Variants in PLEKHG5 observed in about 807,000 individuals in gnomAD.
The protein encoded by PLEKHG5 is pleckstrin homology and RhoGEF domain containing G5.
PLEKHG5 carries 52 observed loss-of-function variants against 103.8 expected under a neutral mutation model. The ratio of observed to expected loss-of-function variants is 0.50; its 90% CI spans 0.40 to 0.63. The LOEUF (loss-of-function observed/expected upper bound fraction) is 0.63. Among genes scored for constraint, PLEKHG5 ranks in the 30% least tolerant of loss-of-function variants. The pLI is 0.00. For missense variants in PLEKHG5, 1,205 were observed against 1,347.6 expected (o/e 0.89, Z 1.66); for synonymous variants, 592 against 575.5 (o/e 1.03, Z -0.41).
At chr1:6,496,748 C>G, upstream of PLEKHG5, 1 of 560,224 alleles carries the variant, frequency 1.8e-6, no homozygotes. Context: ...TTGCAGAGCC[C>G]TTTTCTCCTG....
At chr1:6,491,913 CTCTT>C (rs1377734771), upstream of PLEKHG5, among the ~76,000 whole-genome samples, 3 of 152,240 alleles carry the variant, frequency 2.0e-5, no homozygotes, top group African/African-American at 4.8e-5. This position sits in a 1 kb window ranked among gnomAD's most constrained non-coding sequence, Gnocchi z 4.1. Flanking sequence ...CTGCTGGAAA[CTCTT>C]TCCTGTAGTG....
At chr1:6,497,368 C>A (rs1384844765), upstream of PLEKHG5, 2 of 1,071,454 alleles carry the variant, frequency 1.9e-6, no homozygotes, top group Non-Finnish European at 2.3e-6. This position sits in a 1 kb window ranked among gnomAD's most constrained non-coding sequence, Gnocchi z 6.1. Flanking sequence ...CGGGCGGGGG[C>A]GCCGGGGACG....
rs1288870331 is a variant in PLEKHG5 at position 6,516,866 on chromosome 1, G to GTGTGTGTA, written c.-165+2578_-165+2579insTACACACA. ...TATATATATGTGTGTGTATATATGT[G>GTGTGTGTA]TATATATATATATATATATACACAT... On this transcript the variant is annotated intron_variant, in intron 1 of 21. Coordinates refer to the PLEKHG5 transcript ENST00000377740. 9.0e-3 allele frequency among the ~76,000 whole-genome samples: 232 copies of GTGTGTGTA among 25,856 alleles called. 5 individuals carry two copies. The Middle Eastern group carries it at 0.12, about 14-fold the overall frequency. The allele number at this position is 25,856 out of a possible 152,430, so 17.0% of individuals were successfully genotyped here. A position where few individuals can be genotyped will look rare whatever the true frequency, so the allele number is the denominator to read the frequency against.
chr1:6,515,344 G>A (rs985990514), intron 1 of PLEKHG5, among the ~76,000 whole-genome samples: 10 of 151,996 alleles, frequency 6.6e-5, no homozygotes, highest in East Asian at 1.9e-4. Flanking sequence ...TGGCTAACAC[G>A]GTGAAACCCC....
chr1:6,519,397 T>C lies in PLEKHG5; in HGVS notation c.-165+48A>G, dbSNP rs758307011. 4.9e-6 allele frequency: 7 copies of C among 1,423,304 alleles called. No homozygotes were observed. In the African/African-American group the frequency reaches 9.8e-5, roughly 20 times the overall value. 88.2% of individuals were successfully genotyped at this position (1,423,304 alleles called of 1,614,324 possible). A position where few individuals can be genotyped will look rare whatever the true frequency, so the allele number is the denominator to read the frequency against. On this transcript the variant is annotated intron_variant, in intron 1 of 21. Transcript: ENST00000377740. Reference sequence around the variant, plus strand: ...CTGCAAAGCCCCTCCTTTCACTCTGTGTCCTCAAACCTCCTTTCTAGACAA... The same window carrying C: ...CTGCAAAGCCCCTCCTTTCACTCTGCGTCCTCAAACCTCCTTTCTAGACAA...
chr1:6,473,964 G>C lies in PLEKHG5; in HGVS notation c.591+49C>G, dbSNP rs112079345. The C allele has an allele frequency of 1.5e-5, 23 of 1,502,778 alleles. No individual in the cohort carries two copies. The African/African-American group carries it at 1.7e-4, about 11-fold the overall frequency. 93.1% of individuals were successfully genotyped at this position (1,502,778 alleles called of 1,614,324 possible). A position where few individuals can be genotyped will look rare whatever the true frequency, so the allele number is the denominator to read the frequency against. ...CCTCTGAGGAGGGGCTGTGGGCCCAGCCTGGGCCCCTTCCCACCCCCTCCC... is the reference window on the plus strand; with the variant it reads ...CCTCTGAGGAGGGGCTGTGGGCCCACCCTGGGCCCCTTCCCACCCCCTCCC... On this transcript the variant is annotated intron_variant, in intron 7 of 20. Transcript: ENST00000377728.
chr1:6,491,251 G>A lies in PLEKHG5; in HGVS notation c.-88+386C>T, dbSNP rs1346138394. Among the ~76,000 whole-genome samples the A allele has an allele frequency of 6.6e-6, 1 of 152,118 alleles. No individual in the cohort carries two copies. Among genetic ancestry groups the A allele is most frequent in the African/African-American group, 2.4e-5 (1 of 41,418 alleles). ...TACAGGGGGCCCACTCGAGGAGGTG[G>A]AGTTCAGGTCCACCAACCTGTTCCG... is the stretch of plus-strand genomic sequence containing the variant. On this transcript the variant is annotated intron_variant, in intron 1 of 20. Coordinates refer to ENST00000377728, the MANE Select transcript of PLEKHG5 (RefSeq NM_020631.6). This position sits in a 1 kb window ranked among gnomAD's most constrained non-coding sequence, Gnocchi z 4.1.
At chr1:6,496,870 A>G, upstream of PLEKHG5, 1 of 975,958 alleles carries the variant, frequency 1.0e-6, no homozygotes, top group Non-Finnish European at 1.4e-6. Flanking sequence ...GCGCTCAGTG[A>G]CCTTTTGGGG....
chr1:6,499,744 C>T (rs59083200), upstream of PLEKHG5, among the ~76,000 whole-genome samples: 15,124 of 152,130 alleles, frequency 0.099, 1,169 homozygotes, highest in East Asian at 0.24. Context: ...GGGGGACATA[C>T]TGTATCAGGT....
rs2148582975 is a variant in PLEKHG5, at chr1:6,470,854, G to A, written c.1423C>T (p.Leu475=). 3 of 1,575,990 alleles carry A rather than the reference G, an allele frequency of 1.9e-6. No individual in the cohort carries two copies. Among genetic ancestry groups the A allele is most frequent in the Non-Finnish European group, 1.7e-6 (2 of 1,160,760 alleles). The change falls in exon 14 of 21, where the codon CTG becomes TTG. Residue 475 remains leucine (L), a synonymous_variant. Coordinates refer to ENST00000377728, the MANE Select transcript of PLEKHG5 (RefSeq NM_020631.6). ...WAEKHPQCQR[L]KLSDMLAKPH... ...TTGGCCAGCATGTCGCTCAGCTTCA[G>A]CCTCTGGCACTGTGGGTGCTTCTCC...
upstream of PLEKHG5, chr1:6,496,565 G>T: frequency 6.4e-7 from 1 of 1,572,602 alleles, no homozygotes; most frequent in Non-Finnish European, 8.6e-7. Context: ...CGGGGCTCTG[G>T]TCGTCTGCAG....
Position 6,490,585 on chromosome 1 carries a change from C to T in PLEKHG5, c.-88+1052G>A, listed in dbSNP as rs536544257. 50 of 985,420 alleles carry T rather than the reference C, an allele frequency of 5.1e-5. No individual in the cohort carries two copies. The South Asian group carries it at 2.1e-3, about 42-fold the overall frequency. The allele number at this position is 985,420 out of a possible 1,614,324, so 61.0% of individuals were successfully genotyped here. ...TCAGTCGACTCAGCGCAAACTGGGG[C>T]GCGGGACGTAGGGGAATTACGGTAG... On this transcript the variant is annotated intron_variant, in intron 1 of 20. Transcript: ENST00000377728. This position sits in a 1 kb window ranked among gnomAD's most constrained non-coding sequence, Gnocchi z 8.0.
At chr1:6,504,407 G>T (rs558578473) in intron 1 of PLEKHG5, among the ~76,000 whole-genome samples, 2 of 152,170 alleles carry the variant, frequency 1.3e-5, no homozygotes, top group East Asian at 3.9e-4. Flanking sequence ...GGGGCCTGGA[G>T]TTGCTGGGGC....
Position 6,468,415 on chromosome 1 carries a change from C to T in PLEKHG5, c.2421G>A (p.Pro807=), listed in dbSNP as rs767407997. 110 of 1,611,930 alleles carry T rather than the reference C, an allele frequency of 6.8e-5. No homozygotes were observed. Among genetic ancestry groups the T allele is most frequent in the Admixed American group, 2.3e-4 (14 of 59,786 alleles). ...TPTSELLPLG[P]VDGRSCSMDS... ...CCATGGAGCAGGAGCGGCCGTCCAC[C>T]GGACCCAGGGGCAGCAGCTCACTGG... The change falls in exon 20 of 21, where the codon CCG becomes CCA. Residue 807 remains proline (P), a synonymous_variant. Coordinates refer to ENST00000377728, the MANE Select transcript of PLEKHG5 (RefSeq NM_020631.6).
intron 1 of PLEKHG5, among the ~76,000 whole-genome samples, chr1:6,479,371 C>G (rs1644844796): frequency 6.7e-6 from 1 of 149,654 alleles, no homozygotes; most frequent in African/African-American, 2.5e-5. Flanking sequence ...ACTGCAAGCT[C>G]CGCCTCCTCG....
At chr1:6,484,667 C>G (rs112453884) in intron 1 of PLEKHG5, among the ~76,000 whole-genome samples, 7,399 of 152,240 alleles carry the variant, frequency 0.049, 204 homozygotes, top group Middle Eastern at 0.065. Context: ...AAGCCAGACT[C>G]CAGCCCCTTC....
upstream of PLEKHG5, among the ~76,000 whole-genome samples, chr1:6,500,266 C>T (rs1275205537): frequency 6.6e-6 from 1 of 152,142 alleles, no homozygotes; most frequent in African/African-American, 2.4e-5. Flanking sequence ...GTACGATGCC[C>T]CAAGATTGTT....
intron 4 of PLEKHG5, 90 bp downstream of exon 4, chr1:6,475,372 C>A: frequency 8.6e-7 from 1 of 1,161,294 alleles, no homozygotes; most frequent in South Asian, 1.2e-5. Context: ...ATGCAGACCT[C>A]CCCACCCCCA....
chr1:6,474,866 A>C, intron 5 of PLEKHG5, 181 bp downstream of exon 5: 2 of 710,588 alleles, frequency 2.8e-6, no homozygotes. Flanking sequence ...AAGTACACAG[A>C]CCCCACCGCA....
Sources: allele counts gnomAD v4.1 joint callset (sites outside exome capture counted in the v4.1 genomes callset), GRCh38; gene constraint gnomAD v4.1.1; non-coding constraint Gnocchi (gnomAD v3.1); transcripts MANE v1.5; gene names NCBI Gene and HGNC (gene_info 2026-07-23, HGNC 2026-07-21).